The following RGS5 variants were observed in gnomAD, a reference collection of about 807,000 sequenced individuals.
RGS5 encodes the protein regulator of G-protein signalling 5.
In RGS5, 20 loss-of-function variants were observed where a neutral mutation model predicts 18.9. The observed-to-expected ratio is 1.06, with a 90% CI of 0.74 to 1.54. The LOEUF is 1.54. Ranked by LOEUF, RGS5 falls within the 40% of genes most tolerant of loss-of-function variation. The probability of loss-of-function intolerance (pLI) is 0.00; values close to 1 mark genes in which losing one functional copy is unlikely to be tolerated. For synonymous variants in RGS5, 57 were observed against 76.2 expected (o/e 0.75, Z 1.31); for missense variants, 201 against 211.8 (o/e 0.95, Z 0.32).
chr1:163,284,554 C>G (rs1014272005), intron 2 of RGS5, among the ~76,000 whole-genome samples: 1 of 152,074 alleles, frequency 6.6e-6, no homozygotes, highest in African/African-American at 2.4e-5. Flanking sequence ...TGGTTTCTTT[C>G]TCTCAGACCC....
chr1:163,252,369 A>G (rs1353980272), intron 2 of RGS5, among the ~76,000 whole-genome samples: 1 of 152,116 alleles, frequency 6.6e-6, no homozygotes, highest in Admixed American at 6.6e-5. Context: ...GATTTTCTCC[A>G]TCTGATCTTG....
intron 4 of RGS5, among the ~76,000 whole-genome samples, chr1:163,148,287 AAC>A (rs1657237197): frequency 6.6e-6 from 1 of 152,136 alleles, no homozygotes; most frequent in South Asian, 2.1e-4. Flanking sequence ...GGAGGAATTG[AAC>A]AGAGAGAAGT....
At chr1:163,244,713 T>C (rs961423105) in intron 2 of RGS5, 11 of 152,164 alleles carry the variant, frequency 7.2e-5, no homozygotes, top group African/African-American at 2.7e-4. Flanking sequence ...CTGAAAACAG[T>C]AATACTCCAT....
chr1:163,292,862 G>GT (rs770352151), intron 2 of RGS5, among the ~76,000 whole-genome samples: 139 of 123,670 alleles, frequency 1.1e-3, no homozygotes, highest in Non-Finnish European at 2.2e-3. Flanking sequence ...TTTTTAATGG[G>GT]GTTTTTTGGT....
At chr1:163,287,030 A>G (rs1300795979) in intron 2 of RGS5, among the ~76,000 whole-genome samples, 1 of 152,164 alleles carries the variant, frequency 6.6e-6, no homozygotes, top group Non-Finnish European at 1.5e-5. Context: ...ACTTTTTCAC[A>G]AGATCTTCAT....
chr1:163,284,464 T>C (rs1649084751), intron 2 of RGS5, among the ~76,000 whole-genome samples: 1 of 152,220 alleles, frequency 6.6e-6, no homozygotes, highest in Non-Finnish European at 1.5e-5. Context: ...AATATCTTTT[T>C]TTTCTTACTT....
intron 2 of RGS5, among the ~76,000 whole-genome samples, chr1:163,232,589 A>G (rs1213955840): frequency 6.6e-6 from 1 of 152,218 alleles, no homozygotes; most frequent in East Asian, 1.9e-4. Flanking sequence ...AATGTCATTA[A>G]ATAGAAGACA....
chr1:163,275,659 A>AT (rs974087599), intron 2 of RGS5, among the ~76,000 whole-genome samples: 1 of 152,104 alleles, frequency 6.6e-6, no homozygotes, highest in African/African-American at 2.4e-5. Context: ...TGAAATGGTT[A>AT]TTTTTTTACA....
At chr1:163,178,246 G>T (rs1293220080) in intron 1 of RGS5, among the ~76,000 whole-genome samples, 1 of 152,130 alleles carries the variant, frequency 6.6e-6, no homozygotes, top group African/African-American at 2.4e-5. Context: ...GGGAGATGGA[G>T]GTTGCAGTGA....
intron 2 of RGS5, among the ~76,000 whole-genome samples, chr1:163,291,533 T>G (rs193136159): frequency 6.6e-6 from 1 of 152,206 alleles, no homozygotes; most frequent in Non-Finnish European, 1.5e-5. Flanking sequence ...GGTCACAAGA[T>G]ATGCAACTTC....
At chr1:163,286,019 T>C (rs989931121) in intron 2 of RGS5, among the ~76,000 whole-genome samples, 16 of 131,200 alleles carry the variant, frequency 1.2e-4, no homozygotes, top group South Asian at 2.5e-4. Flanking sequence ...CACACACACA[T>C]GCACACAGAC....
At chr1:163,160,171 A>C (rs926825700) in intron 3 of RGS5, among the ~76,000 whole-genome samples, 1 of 152,226 alleles carries the variant, frequency 6.6e-6, no homozygotes, top group African/African-American at 2.4e-5. Context: ...GTGTGACTGA[A>C]AAGGATTATA....
At chr1:163,243,293 G>T (rs60441307) in intron 2 of RGS5, among the ~76,000 whole-genome samples, 2,097 of 152,190 alleles carry the variant, frequency 0.014, 56 homozygotes, top group African/African-American at 0.048. Flanking sequence ...ACCCGTCAGG[G>T]GTTGGGAGTA....
At chr1:163,252,576 C>T (rs1258684890) in intron 2 of RGS5, among the ~76,000 whole-genome samples, 1 of 152,132 alleles carries the variant, frequency 6.6e-6, no homozygotes, top group Non-Finnish European at 1.5e-5. Flanking sequence ...CTTTTACTCC[C>T]AACATCAAGT....
At chr1:163,254,359 G>T (rs1031779004) in intron 2 of RGS5, among the ~76,000 whole-genome samples, 10 of 152,058 alleles carry the variant, frequency 6.6e-5, no homozygotes, top group African/African-American at 2.4e-4. Flanking sequence ...GGTGTGAGAT[G>T]GTATCTCATT....
intron 1 of RGS5, among the ~76,000 whole-genome samples, chr1:163,178,897 C>T (rs1658680849): frequency 6.6e-6 from 1 of 152,190 alleles, no homozygotes; most frequent in Admixed American, 6.5e-5. Context: ...ATATGACCAC[C>T]TGGATCTGTC....
intron 2 of RGS5, among the ~76,000 whole-genome samples, chr1:163,258,806 G>A (rs1284311629): frequency 6.6e-6 from 1 of 152,016 alleles, no homozygotes. Flanking sequence ...CTCCCTAGTA[G>A]CTGTGACAAC....
At chr1:163,169,831 T>C (rs1226762694) in intron 1 of RGS5, among the ~76,000 whole-genome samples, 1 of 152,206 alleles carries the variant, frequency 6.6e-6, no homozygotes, top group Non-Finnish European at 1.5e-5. Flanking sequence ...TCCAACTCCT[T>C]ATCCATTGTT....
At position 163,224,801 on chromosome 1, in the gene RGS5, C is replaced by T. The variant is rs142664880; in HGVS notation, c.-280-56433G>A. ...TTCTCTGATGATTAGTGATGTAGGA[C>T]ACTTTTTCATATATTCTTTAGCCAT... On this transcript the variant is annotated intron_variant, in intron 2 of 5. Coordinates refer to the RGS5 transcript ENST00000618415. Among the ~76,000 whole-genome samples the T allele has an allele frequency of 2.8e-3, 433 of 152,254 alleles. 4 individuals are homozygous for T. Among genetic ancestry groups the T allele is most frequent in the African/African-American group, 8.9e-3 (370 of 41,548 alleles).
Sources: gnomAD v4.1 joint callset for allele counts (sites outside exome capture counted in the v4.1 genomes callset) on GRCh38, gnomAD v4.1.1 for gene constraint, MANE v1.5 for transcripts, NCBI Gene and HGNC (gene_info 2026-07-23, HGNC 2026-07-21) for gene names.